KIAA1217: variants seen among roughly 807,000 people sequenced by gnomAD.
The protein encoded by KIAA1217 is KIAA1217.
A neutral mutation model predicts 163.9 loss-of-function variants in KIAA1217; 88 were observed. The observed-to-expected ratio is 0.54, with a 90% confidence interval of 0.45 to 0.64. The LOEUF is 0.64. KIAA1217 is among the 30% of genes least tolerant of loss of function. The probability of loss-of-function intolerance (pLI) is 0.00; values close to 1 mark genes in which losing one functional copy is unlikely to be tolerated. For missense variants in KIAA1217, 2,372 were observed against 2,475.0 expected, an observed-to-expected ratio of 0.96 and a Z score of 0.88; for synonymous variants, 903 against 923.1, an observed-to-expected ratio of 0.98 and a Z score of 0.39.
At chr10:24,415,110 CTTTTTTT>C (rs71397948) in intron 3 of KIAA1217, among the ~76,000 whole-genome samples, 9,442 of 120,200 alleles carry the variant, frequency 0.079, 331 homozygotes, top group Admixed American at 0.088. Context: ...TGATCTCTCT[CTTTTTTT>C]TTTTTTTTTT....
chr10:24,200,467 G>C (rs550476938), intron 2 of KIAA1217, among the ~76,000 whole-genome samples: 28 of 152,180 alleles, frequency 1.8e-4, no homozygotes, highest in Non-Finnish European at 3.4e-4. Context: ...CTGAGCCACT[G>C]TGCCACTGCA....
chr10:23,812,701 T>G (rs1269321327), intron 1 of KIAA1217, among the ~76,000 whole-genome samples: 25 of 152,148 alleles, frequency 1.6e-4, no homozygotes, highest in Admixed American at 1.4e-3. Context: ...TCCCATCAAT[T>G]TTCTACTCCA....
In KIAA1217 at chr10:24,524,368, C is replaced by T. The variant is rs113571639; in HGVS notation, c.2502C>T (p.Ala834=). 1.2e-3 allele frequency: 1,923 copies of T among 1,614,024 alleles called. 19 individuals are homozygous for T. The African/African-American group carries it at 0.018, about 15-fold the overall frequency. The stretch of plus-strand genomic sequence containing the variant: ...TGAAAGGCACGGACGCAGCCCAAGC[C>T]GCACAGTACATGGCTATGGAAAAGG... The part of the protein sequence containing the change: ...GLLKGTDAAQ[A]AQYMAMEKAT... Residue 834 remains alanine (A), a synonymous_variant, in exon 13 of 21, where the codon GCC becomes GCT. Transcript: ENST00000376454.
At chr10:24,148,149 T>A (rs2064425901) in intron 2 of KIAA1217, among the ~76,000 whole-genome samples, 1 of 152,134 alleles carries the variant, frequency 6.6e-6, no homozygotes, top group Admixed American at 6.5e-5. Flanking sequence ...AGACTTTTTT[T>A]TCTTGGTTTT....
intron 1 of KIAA1217, among the ~76,000 whole-genome samples, chr10:23,843,158 ATCTT>A (rs1370601344): frequency 6.6e-6 from 1 of 152,178 alleles, no homozygotes; most frequent in Admixed American, 6.5e-5. Flanking sequence ...GATTTAGTCT[ATCTT>A]ACTATGTAAA....
intron 2 of KIAA1217, among the ~76,000 whole-genome samples, chr10:24,048,758 C>T (rs1276845330): frequency 2.0e-5 from 3 of 150,196 alleles, no homozygotes; most frequent in Non-Finnish European, 3.0e-5. Context: ...ATTGGCCGGG[C>T]GCAGTGGCTC....
At chr10:24,216,396 GTAGACAGA>G (rs1045923532) in intron 1 of KIAA1217, among the ~76,000 whole-genome samples, 6 of 152,198 alleles carry the variant, frequency 3.9e-5, no homozygotes, top group Admixed American at 3.3e-4. Flanking sequence ...ATGTGTGTAT[GTAGACAGA>G]TGTGTGTATG....
In KIAA1217 at chr10:23,740,817, A is replaced by G. The variant is rs536317915; in HGVS notation, c.-321+45583A>G. ...TGGGCGCATGCCTGTAATCCCAGCT[A>G]CTTGGGAGGCTGAAGCAGGAGAATT... On this transcript the variant is annotated intron_variant, in intron 1 of 18. Transcript: ENST00000376462. Among the ~76,000 whole-genome samples the G allele has an allele frequency of 4.6e-5, 7 of 152,142 alleles. No individual in the cohort carries two copies. The South Asian group carries it at 1.5e-3, about 32-fold the overall frequency.
At chr10:24,506,579 A>G (rs1254457052) in intron 9 of KIAA1217, among the ~76,000 whole-genome samples, 2 of 152,200 alleles carry the variant, frequency 1.3e-5, no homozygotes, top group African/African-American at 2.4e-5. Flanking sequence ...AATAACTGCA[A>G]CTCTACTTGC....
chr10:23,777,378 A>T (rs1835051635), intron 1 of KIAA1217, among the ~76,000 whole-genome samples: 1 of 152,222 alleles, frequency 6.6e-6, no homozygotes, highest in Admixed American at 6.5e-5. Flanking sequence ...ACAATGCAAA[A>T]GTCATGAAGT....
At chr10:24,382,487 A>G (rs552711067) in intron 3 of KIAA1217, among the ~76,000 whole-genome samples, 70 of 152,264 alleles carry the variant, frequency 4.6e-4, no homozygotes, top group Non-Finnish European at 8.4e-4. Context: ...TTTAACATTA[A>G]ATTTTGTGTC....
intron 8 of KIAA1217, among the ~76,000 whole-genome samples, chr10:24,500,194 T>A (rs1564806310): frequency 6.6e-6 from 1 of 150,508 alleles, no homozygotes; most frequent in Non-Finnish European, 1.5e-5. Context: ...AGTGTGTGTG[T>A]GTGTGTGTGT....
intron 1 of KIAA1217, among the ~76,000 whole-genome samples, chr10:23,714,547 T>G (rs200297925): frequency 6.6e-6 from 1 of 152,136 alleles, no homozygotes; most frequent in East Asian, 1.9e-4. Flanking sequence ...TCAAGATTCC[T>G]GCCTTTTCAC....
At chr10:24,499,480 C>G (rs1198621480) in intron 8 of KIAA1217, among the ~76,000 whole-genome samples, 2 of 152,160 alleles carry the variant, frequency 1.3e-5, no homozygotes. Context: ...CGCCTGTAAT[C>G]CCAGCACTTT....
chr10:24,239,697 T>TTTGTGTG lies in KIAA1217; in HGVS notation c.354+19789_354+19790insTGTGTGT, dbSNP rs1564323754. Among the ~76,000 whole-genome samples, 4 of 81,030 alleles carry TTTGTGTG rather than the reference T, an allele frequency of 4.9e-5. No individual in the cohort carries two copies. The East Asian group carries it at 1.3e-3, about 27-fold the overall frequency. The allele number at this position is 81,030 out of a possible 152,430, so 53.2% of individuals were successfully genotyped here. On this transcript the variant is annotated intron_variant, in intron 2 of 20. Coordinates refer to ENST00000376454, the MANE Select transcript of KIAA1217 (RefSeq NM_019590.5). ...GATGTGTGTGTGTGTGTGTGTGTGT[T>TTTGTGTG]TGTGTGTGTGTGTGTGTGTGTTCTT... is the stretch of plus-strand genomic sequence containing the variant.
chr10:24,019,946 G>T (rs1411104180), intron 2 of KIAA1217, among the ~76,000 whole-genome samples: 2 of 151,876 alleles, frequency 1.3e-5, no homozygotes, highest in Admixed American at 1.3e-4. Flanking sequence ...AATTCAAAGT[G>T]AGTTAAAATA....
At position 24,047,122 on chromosome 10, in the gene KIAA1217, C is replaced by T. The variant is rs186084290; in HGVS notation, c.-171+39748C>T. The stretch of plus-strand genomic sequence containing the variant: ...GCATCACAAAACTGTAAATGCTCTT[C>T]TAATATTGAAATAAATTAAAGGATA... On this transcript the variant is annotated intron_variant, in intron 2 of 18. Coordinates refer to the KIAA1217 transcript ENST00000376462. Among the ~76,000 whole-genome samples, 6 of 152,292 alleles carry T rather than the reference C, an allele frequency of 3.9e-5. No homozygotes were observed. In the East Asian group the frequency reaches 9.7e-4, roughly 24 times the overall value.
intron 1 of KIAA1217, among the ~76,000 whole-genome samples, chr10:23,939,732 T>TAGA (rs1843676494): frequency 6.6e-6 from 1 of 151,526 alleles, no homozygotes; most frequent in African/African-American, 2.4e-5. Context: ...ATCAAGTATA[T>TAGA]AGAAGACTTA....
At chr10:24,393,411 G>C (rs529501035) in intron 3 of KIAA1217, among the ~76,000 whole-genome samples, 18 of 152,196 alleles carry the variant, frequency 1.2e-4, no homozygotes, top group Non-Finnish European at 1.9e-4. Flanking sequence ...GTCTGGAGCA[G>C]GGAGGAGCCA....
Sources: gnomAD v4.1 joint callset for allele counts (sites outside exome capture counted in the v4.1 genomes callset) on GRCh38, gnomAD v4.1.1 for gene constraint, MANE v1.5 for transcripts, NCBI Gene and HGNC (gene_info 2026-07-23, HGNC 2026-07-21) for gene names.